CLCN5: variants seen among roughly 807,000 people sequenced by gnomAD.
CLCN5 encodes the protein H(+)/Cl(-) exchange transporter 5.
CLCN5 carries 17 observed loss-of-function variants against 54.0 expected under a neutral mutation model. That is an observed-to-expected ratio of 0.31 (90% CI 0.22 to 0.47). CLCN5 has a LOEUF of 0.47. Among genes scored for constraint, CLCN5 ranks in the 20% least tolerant of loss-of-function variants. CLCN5 has a pLI of 1.00. For missense variants in CLCN5, 448 were observed against 646.7 expected (o/e 0.69, Z 3.33); for synonymous variants, 222 against 233.0 (o/e 0.95, Z 0.43).
At chrX:50,067,679 G>A (rs1032160582) in intron 4 of CLCN5, 71 of 751,877 alleles carry the variant, frequency 9.4e-5, no homozygotes, top group Non-Finnish European at 1.1e-4. Context: ...TTTTGTAAAA[G>A]CTCCCCAACC....
intron 3 of CLCN5, among the ~76,000 whole-genome samples, chrX:50,025,679 C>T (rs1931340708): frequency 9.0e-6 from 1 of 111,315 alleles, no homozygotes; most frequent in Non-Finnish European, 1.9e-5. Flanking sequence ...ATTTATCTCT[C>T]TCTCATTTGC....
chrX:49,968,748 T>G (rs1557175832), intron 3 of CLCN5, among the ~76,000 whole-genome samples: 7 of 58,954 alleles, frequency 1.2e-4, no homozygotes, highest in Non-Finnish European at 1.8e-4. Context: ...ATTCAGGACA[T>G]AGGCGTGGGC....
intron 3 of CLCN5, among the ~76,000 whole-genome samples, chrX:49,942,508 C>T (rs1456033669): frequency 9.2e-6 from 1 of 108,630 alleles, no homozygotes; most frequent in Non-Finnish European, 1.9e-5. Flanking sequence ...CACCTATTAA[C>T]TCATCATTTA....
At chrX:49,993,820 A>G (rs1270421091) in intron 3 of CLCN5, among the ~76,000 whole-genome samples, 1 of 111,676 alleles carries the variant, frequency 9.0e-6, no homozygotes, top group Non-Finnish European at 1.9e-5. Flanking sequence ...GGGGCTGACC[A>G]TGAGGAAATT....
chrX:50,057,264 G>A (rs1253171995), intron 4 of CLCN5, among the ~76,000 whole-genome samples: 1 of 107,542 alleles, frequency 9.3e-6, no homozygotes, highest in East Asian at 3.0e-4. Context: ...AGCTACTGAA[G>A]TATTTCAGTA....
chrX:49,994,328 G>A (rs1201263121), intron 3 of CLCN5, among the ~76,000 whole-genome samples: 1 of 111,073 alleles, frequency 9.0e-6, no homozygotes, highest in Non-Finnish European at 1.9e-5. Flanking sequence ...TTAGACAGAT[G>A]TATGGTGGGG....
chrX:49,955,417 G>T (rs1262644603), intron 3 of CLCN5, among the ~76,000 whole-genome samples: 3 of 109,300 alleles, frequency 2.7e-5, no homozygotes, highest in Non-Finnish European at 3.8e-5. Context: ...AACAGCTTCC[G>T]ATTAGCTGTT....
intron 3 of CLCN5, 38 bp downstream of exon 3, chrX:49,925,352 C>T: frequency 1.7e-6 from 2 of 1,180,496 alleles, no homozygotes; most frequent in Non-Finnish European, 1.2e-6. Flanking sequence ...CTGGTTTTTC[C>T]TCCTACTCTA....
chrX:50,058,081 A>C (rs1250863718), intron 4 of CLCN5, among the ~76,000 whole-genome samples: 1 of 111,983 alleles, frequency 8.9e-6, no homozygotes, highest in Non-Finnish European at 1.9e-5. Flanking sequence ...TTTTTTGTAC[A>C]TTTGGTTCCA....
intron 3 of CLCN5, among the ~76,000 whole-genome samples, chrX:50,002,663 G>GTCTCTCTC (rs1174801174): frequency 4.3e-5 from 4 of 92,751 alleles, no homozygotes; most frequent in African/African-American, 1.5e-4. Flanking sequence ...CTCTGTCTCT[G>GTCTCTCTC]TCTCTCTCTC....
chrX:50,073,578 A>G (rs782626734), intron 6 of CLCN5, among the ~76,000 whole-genome samples: 13 of 112,312 alleles, frequency 1.2e-4, no homozygotes, highest in African/African-American at 4.2e-4. Context: ...CACAGCAGAC[A>G]GTTGTTAATG....
chrX:50,090,581 G>T (rs1934058494), intron 13 of CLCN5, 67 bp downstream of exon 13: 3 of 1,153,331 alleles, frequency 2.6e-6, no homozygotes, highest in South Asian at 1.9e-5. Context: ...TGAAATGGGG[G>T]AAGACAGGGA....
intron 3 of CLCN5, among the ~76,000 whole-genome samples, chrX:49,950,870 T>C (rs1557172907): frequency 8.9e-6 from 1 of 111,825 alleles, no homozygotes; most frequent in African/African-American, 3.3e-5. Context: ...ATTTATCCTT[T>C]GTGTTACAAA....
chrX:50,017,846 T>C (rs1288387277), intron 3 of CLCN5, among the ~76,000 whole-genome samples: 1 of 112,083 alleles, frequency 8.9e-6, no homozygotes, highest in Middle Eastern at 4.2e-3. Context: ...TATATTCTTA[T>C]GCCATTATTA....
At chrX:50,009,879 C>A (rs1557182247) in intron 3 of CLCN5, 4 of 349,448 alleles carry the variant, frequency 1.1e-5, no homozygotes, top group Non-Finnish European at 2.3e-5. Context: ...TGCTCTCTGA[C>A]CCTCATTCAT....
chrX:49,991,441 G>A (rs782596914), intron 3 of CLCN5, among the ~76,000 whole-genome samples: 37 of 111,911 alleles, frequency 3.3e-4, no homozygotes, highest in Admixed American at 7.6e-4. Context: ...TGCAGATTTT[G>A]TATATTAGTT....
At chrX:49,991,340 T>C (rs1557178945) in intron 3 of CLCN5, among the ~76,000 whole-genome samples, 3 of 112,415 alleles carry the variant, frequency 2.7e-5, no homozygotes, top group Non-Finnish European at 5.6e-5. Flanking sequence ...TTGTTGGCCA[T>C]TTGTATATCT....
At chrX:49,987,016 A>T (rs1006582863) in intron 3 of CLCN5, among the ~76,000 whole-genome samples, 1 of 112,631 alleles carries the variant, frequency 8.9e-6, no homozygotes, top group African/African-American at 3.2e-5. Context: ...ACAGAAGATT[A>T]TGTAATAAGG....
chrX:50,086,981 C>G, intron 11 of CLCN5, 111 bp downstream of exon 11: 11 of 726,136 alleles, frequency 1.5e-5, no homozygotes, highest in Non-Finnish European at 2.1e-5. Context: ...TCAAATCCCC[C>G]TCACATTATT....
Sources: gnomAD v4.1 joint callset for allele counts (sites outside exome capture counted in the v4.1 genomes callset) on GRCh38, gnomAD v4.1.1 for gene constraint, MANE v1.5 for transcripts, NCBI Gene and HGNC (gene_info 2026-07-23, HGNC 2026-07-21) for gene names.